The following FREM1 variants were observed in gnomAD, a reference collection of about 807,000 sequenced individuals.
The protein encoded by FREM1 is FRAS1-related extracellular matrix protein 1.
A neutral mutation model predicts 210.1 loss-of-function variants in FREM1; 220 were observed. That is an observed-to-expected ratio of 1.05 (90% CI 0.94 to 1.17). The LOEUF (loss-of-function observed/expected upper bound fraction) is 1.17, where lower values mean the gene tolerates loss of function less well. FREM1 is among the 50% of genes most tolerant of loss of function. The pLI, the probability that FREM1 is intolerant of heterozygous loss-of-function variation, is 0.00. For missense variants in FREM1, 3,454 were observed against 2,675.5 expected, an observed-to-expected ratio of 1.29 and a Z score of -6.42; for synonymous variants, 1,189 against 980.2, an observed-to-expected ratio of 1.21 and a Z score of -3.98.
chr9:14,868,915 G>A lies in FREM1; in HGVS notation c.63C>T (p.Ala21=), dbSNP rs781083063. 6 of 1,604,970 alleles carry A rather than the reference G, an allele frequency of 3.7e-6. No homozygotes were observed. Among genetic ancestry groups the A allele is most frequent in the Middle Eastern group, 1.9e-4 (1 of 5,332 alleles). Residue 21 remains alanine, a synonymous_variant, in exon 2 of 37, where the codon GCC becomes GCT. Coordinates refer to ENST00000380880, the MANE Select transcript of FREM1 (RefSeq NM_001379081.2). Reference sequence around the variant, plus strand: ...GGTTGATGCTGATGAAGGTGGGGCTGGCCCAGGCCAGGAGGAGCAGCAGCA... The same window carrying A: ...GGTTGATGCTGATGAAGGTGGGGCTAGCCCAGGCCAGGAGGAGCAGCAGCA... ...AVLLLLLLAW[A]SPTFISINRG...
chr9:14,819,542 A>T, intron 13 of FREM1, 100 bp from the exon 14 acceptor site: 1 of 637,912 alleles, frequency 1.6e-6, no homozygotes. Flanking sequence ...TTATCTTCAC[A>T]TGCAAACTAA....
At chr9:14,816,050 C>A (rs1036214673) in intron 15 of FREM1, among the ~76,000 whole-genome samples, 20 of 152,078 alleles carry the variant, frequency 1.3e-4, no homozygotes, top group African/African-American at 4.8e-4. Context: ...CAAAGAGGCA[C>A]CACACACACA....
At chr9:14,888,216 G>C (rs1327454305) in intron 1 of FREM1, among the ~76,000 whole-genome samples, 1 of 152,116 alleles carries the variant, frequency 6.6e-6, no homozygotes, top group African/African-American at 2.4e-5. Context: ...TTATAGATTT[G>C]GAAAATGAGA....
intron 34 of FREM1, 76 bp from the exon 35 acceptor site, chr9:14,746,544 G>C (rs1043251176): frequency 8.9e-7 from 1 of 1,118,930 alleles, no homozygotes; most frequent in East Asian, 2.4e-5. Flanking sequence ...GGAGTCCTAC[G>C]AGTTCCCTAA....
At chr9:14,765,383 C>A (rs927094699) in intron 27 of FREM1, among the ~76,000 whole-genome samples, 1 of 152,122 alleles carries the variant, frequency 6.6e-6, no homozygotes, top group African/African-American at 2.4e-5. Context: ...TGTGTGATTA[C>A]GGTCAGTTAC....
chr9:14,783,979 T>C (rs952729938), intron 24 of FREM1, among the ~76,000 whole-genome samples: 2 of 152,220 alleles, frequency 1.3e-5, no homozygotes, highest in Admixed American at 6.5e-5. Context: ...CTTTTCCAGA[T>C]CTATCTTTAG....
chr9:14,909,594 A>T (rs1818388996), intron 1 of FREM1, among the ~76,000 whole-genome samples: 1 of 152,240 alleles, frequency 6.6e-6, no homozygotes, highest in Non-Finnish European at 1.5e-5. Context: ...CTGAGAAGAA[A>T]CATTCTAATT....
chr9:14,795,130 T>G (rs950280624), intron 21 of FREM1, among the ~76,000 whole-genome samples: 3 of 152,252 alleles, frequency 2.0e-5, no homozygotes, highest in African/African-American at 7.2e-5. Flanking sequence ...CTTGTCTTTG[T>G]ATTTTTACAA....
At position 14,740,186 on chromosome 9, in the gene FREM1, C is replaced by G. The variant is rs1328017331; in HGVS notation, c.6303G>C (p.Trp2101Cys). The G allele has an allele frequency of 1.9e-6, 3 of 1,613,068 alleles. No homozygotes were observed. Among genetic ancestry groups the G allele is most frequent in the Non-Finnish European group, 2.5e-6 (3 of 1,179,450 alleles). ...ACTTTCTCCCACCAATGTCCCAGAG[C>G]CACCGCATGTGCTGCCTGGAGAATA... Reference protein sequence around the residue: ...VTVFSRQHMRWLWDIGGRKSF... With the variant: ...VTVFSRQHMRCLWDIGGRKSF... The change falls in exon 36 of 37, where the codon TGG becomes TGC. Residue 2101 changes from tryptophan to cysteine, a missense_variant. By Grantham distance (215) the Trp-to-Cys change is radical. Coordinates refer to ENST00000380880, the MANE Select transcript of FREM1 (RefSeq NM_001379081.2).
chr9:14,798,667 G>GT (rs139780054), intron 20 of FREM1, among the ~76,000 whole-genome samples: 5,981 of 151,930 alleles, frequency 0.039, 143 homozygotes, highest in Non-Finnish European at 0.053. Context: ...CAAAAGTTAC[G>GT]TTTTTAATAA....
intron 28 of FREM1, among the ~76,000 whole-genome samples, chr9:14,757,561 C>T (rs112482657): frequency 6.7e-6 from 1 of 150,012 alleles, no homozygotes; most frequent in African/African-American, 2.4e-5. Context: ...TCTCAAAAAA[C>T]AAAAAAAAAG....
intron 29 of FREM1, among the ~76,000 whole-genome samples, chr9:14,753,649 C>A (rs969545588): frequency 6.6e-6 from 1 of 152,016 alleles, no homozygotes; most frequent in African/African-American, 2.4e-5. Context: ...TGGAAGCTGC[C>A]GTTTTAAAAG....
At chr9:14,775,707 CAAAAAAAAAA>C (rs35187926) in intron 25 of FREM1, 72 bp downstream of exon 25, 8 of 375,346 alleles carry the variant, frequency 2.1e-5, no homozygotes, top group Non-Finnish European at 3.3e-5. Context: ...GACTCCCTCT[CAAAAAAAAAA>C]AAAAAAAAAA....
intron 10 of FREM1, among the ~76,000 whole-genome samples, chr9:14,837,155 C>T (rs1824782957): frequency 6.6e-6 from 1 of 152,130 alleles, no homozygotes; most frequent in Non-Finnish European, 1.5e-5. Flanking sequence ...AATCAGGGTG[C>T]CCACATTTGC....
Position 14,806,846 on chromosome 9 carries a change from C to A in FREM1, c.3089G>T (p.Gly1030Val). 1 of 1,585,676 alleles carries A rather than the reference C, an allele frequency of 6.3e-7. No individual in the cohort carries two copies. The highest frequency in any genetic ancestry group is 1.8e-5 in the Admixed American group (1 of 56,886). The change falls in exon 18 of 37, where the codon GGT (glycine) becomes GTT (valine). Residue 1030 changes from glycine to valine, a missense_variant and splice_region_variant. By Grantham distance (109) the Gly-to-Val change is moderately radical. Coordinates refer to ENST00000380880, the MANE Select transcript of FREM1 (RefSeq NM_001379081.2). ...VDNQPPSIAI[G>V]PVFVVDEGCS... ...GCCCTCATCTACAACAAACACGGGACCTGCATACAAATAAAAACACAATTA... is the reference window on the plus strand; with the variant it reads ...GCCCTCATCTACAACAAACACGGGAACTGCATACAAATAAAAACACAATTA...
chr9:14,824,776 A>G lies in FREM1; in HGVS notation c.2078+20T>C. 1.9e-6 allele frequency: 3 copies of G among 1,582,624 alleles called. No homozygotes were observed. Among genetic ancestry groups the G allele is most frequent in the Non-Finnish European group, 2.6e-6 (3 of 1,157,148 alleles). Reference sequence around the variant, plus strand: ...TTGCAATCCTAGAACTAGTAGCCCAAATGGTGACTTTTCAGATACCTGTGG... The same window carrying G: ...TTGCAATCCTAGAACTAGTAGCCCAGATGGTGACTTTTCAGATACCTGTGG... On this transcript the variant is annotated intron_variant, in intron 11 of 36. Coordinates refer to ENST00000380880, the MANE Select transcript of FREM1 (RefSeq NM_001379081.2).
chr9:14,869,284 G>C (rs1832127829), intron 1 of FREM1, 40 bp from the exon 2 acceptor site: 1 of 290,204 alleles, frequency 3.4e-6, no homozygotes, highest in Non-Finnish European at 6.5e-6. Flanking sequence ...GCGAGAGAGA[G>C]ACCAAAAGGT....
intron 3 of FREM1, among the ~76,000 whole-genome samples, chr9:14,860,682 TACACATATATACACACATATATAC>T (rs1163364937): frequency 1.8e-5 from 2 of 110,082 alleles, no homozygotes; most frequent in East Asian, 3.0e-4. Flanking sequence ...CACACATATA[TACACATATATACACACATATATAC>T]ACACATATAT....
chr9:14,767,911 T>C (rs1405706523), intron 27 of FREM1, among the ~76,000 whole-genome samples: 2 of 152,140 alleles, frequency 1.3e-5, no homozygotes, highest in South Asian at 2.1e-4. Context: ...TTACGTCAAG[T>C]TGAACTGGAA....
Sources: gnomAD v4.1 joint callset for allele counts (sites outside exome capture counted in the v4.1 genomes callset) on GRCh38, gnomAD v4.1.1 for gene constraint, MANE v1.5 for transcripts, NCBI Gene and HGNC (gene_info 2026-07-23, HGNC 2026-07-21) for gene names.